POM121: variants seen among roughly 807,000 people sequenced by gnomAD.
POM121 encodes POM121 transmembrane nucleoporin, also known as nuclear envelope pore membrane protein POM 121.
POM121 carries 32 observed loss-of-function variants against 81.3 expected under a neutral mutation model. The ratio of observed to expected loss-of-function variants is 0.39; its 90% CI spans 0.30 to 0.53. POM121 has a LOEUF of 0.53. Among genes scored for constraint, POM121 ranks in the 20% least tolerant of loss-of-function variants. The probability of loss-of-function intolerance (pLI) is 0.66; values close to 1 mark genes in which losing one functional copy is unlikely to be tolerated. For synonymous variants in POM121, 514 were observed against 694.2 expected (o/e 0.74, Z 4.08); for missense variants, 1,138 against 1,614.6 (o/e 0.70, Z 5.06).
upstream of POM121, among the ~76,000 whole-genome samples, chr7:72,922,524 C>G (rs1163329325): frequency 6.6e-6 from 1 of 151,570 alleles, no homozygotes; most frequent in Non-Finnish European, 1.5e-5. Context: ...GTAGTTGGTA[C>G]TACAGGCACG....
intron 3 of POM121, among the ~76,000 whole-genome samples, chr7:72,892,674 T>G (rs1554491074): frequency 6.9e-6 from 1 of 145,762 alleles, no homozygotes; most frequent in East Asian, 2.3e-4. Flanking sequence ...CCTTCCTTCC[T>G]TCCATTTTGA....
At chr7:72,938,807 C>G (rs1796776252) in intron 6 of POM121, 126 bp downstream of exon 6, 1 of 1,150,994 alleles carries the variant, frequency 8.7e-7, no homozygotes, top group Non-Finnish European at 1.3e-6. Flanking sequence ...AAACTTAAGT[C>G]CCTGAGAGGT....
intron 3 of POM121, among the ~76,000 whole-genome samples, chr7:72,905,628 A>C (rs782235997): frequency 6.6e-6 from 1 of 152,226 alleles, no homozygotes; most frequent in Non-Finnish European, 1.5e-5. Context: ...TGAACCCAGG[A>C]GGCGGAGGTT....
intron 4 of POM121, among the ~76,000 whole-genome samples, chr7:72,917,378 T>G (rs1475505148): frequency 1.3e-5 from 2 of 152,208 alleles, no homozygotes; most frequent in Non-Finnish European, 2.9e-5. Context: ...AGGTGAAAGC[T>G]TAGGTCTTTC....
chr7:72,948,496 G>A (rs1797856669), downstream of POM121: 1 of 1,613,352 alleles, frequency 6.2e-7, no homozygotes, highest in Non-Finnish European at 8.5e-7. Flanking sequence ...TATGTGCAAG[G>A]CGGTGTGCAA....
intron 3 of POM121, among the ~76,000 whole-genome samples, chr7:72,906,241 G>T (rs1586104648): frequency 6.6e-6 from 1 of 152,180 alleles, no homozygotes; most frequent in East Asian, 1.9e-4. Context: ...CCCTGGGGAA[G>T]CCACTGTTGC....
At chr7:72,917,372 G>A (rs1415360724) in intron 4 of POM121, among the ~76,000 whole-genome samples, 1 of 152,204 alleles carries the variant, frequency 6.6e-6, no homozygotes, top group Admixed American at 6.5e-5. Flanking sequence ...AGGCCAAGGT[G>A]AAAGCTTAGG....
intron 2 of POM121, 57 bp from the exon 3 acceptor site, chr7:72,926,745 G>T: frequency 6.3e-7 from 1 of 1,593,414 alleles, no homozygotes; most frequent in Non-Finnish European, 8.6e-7. Context: ...TGAAGTCTGT[G>T]CTATATGGCA....
rs561195063 is a variant in POM121, at chr7:72,948,127, T to A, written c.*1893T>A. 100 of 1,398,498 alleles carry A rather than the reference T, an allele frequency of 7.2e-5. 2 individuals are homozygous for A. In the African/African-American group the frequency reaches 1.4e-3, roughly 19 times the overall value. 86.6% of individuals were successfully genotyped at this position (1,398,498 alleles called of 1,614,324 possible). On this transcript the variant is annotated 3_prime_UTR_variant, in exon 13 of 13. Coordinates refer to ENST00000434423, the MANE Select transcript of POM121 (RefSeq NM_001387691.1). ...GGACAGCCGGTCCGGGAACCCTGAGTGAGAATGAGTGTGGATGTGTACAGT... is the reference window on the plus strand; with the variant it reads ...GGACAGCCGGTCCGGGAACCCTGAGAGAGAATGAGTGTGGATGTGTACAGT...
rs540524268 is a variant in POM121 at position 72,925,103 on chromosome 7, T to A, written c.-19T>A. The A allele has an allele frequency of 7.2e-7, 1 of 1,397,526 alleles. No homozygotes were observed. Among genetic ancestry groups the A allele is most frequent in the East Asian group, 3.0e-5 (1 of 33,836 alleles). The allele number at this position is 1,397,526 out of a possible 1,614,324, so 86.6% of individuals were successfully genotyped here. On this transcript the variant is annotated 5_prime_UTR_variant, in exon 1 of 13. Transcript: ENST00000434423. ...TGCACGCTGGGATATTTAAGTCTCC[T>A]CCGCGGCGCGGAGCCGCGATGTCTC...
At position 72,943,054 on chromosome 7, in the gene POM121, T is replaced by C. The variant is rs71554688; in HGVS notation, c.3061T>C (p.Tyr1021His). The C allele has an allele frequency of 6.6e-3, 10,596 of 1,603,490 alleles. 304 individuals are homozygous for C. The highest frequency in any genetic ancestry group is 0.055 in the Admixed American group (3,132 of 57,292). ...PPSMIKVVPA[Y>H]VPTPIHPIFG... is the part of the protein sequence containing the mutation. ...GTCCATGATCAAGGTCGTGCCTGCGTACGTGCCTACGCCCATCCATCCTAT... is the reference window on the plus strand; with the variant it reads ...GTCCATGATCAAGGTCGTGCCTGCGCACGTGCCTACGCCCATCCATCCTAT... The change falls in exon 11 of 13, where the codon TAC becomes CAC. Residue 1021 changes from tyrosine (Y) to histidine (H), a missense_variant. Tyr to His is a moderately conservative substitution (Grantham distance 83). Coordinates refer to ENST00000434423, the MANE Select transcript of POM121 (RefSeq NM_001387691.1).
In POM121 at chr7:72,926,119, G is replaced by A. The variant is rs1795419695; in HGVS notation, c.645-143G>A. ...GCCTTAGATGGAATAAGGGAAAGTT[G>A]CCATAAAAACACCGTGTTCTGTGTT... is the stretch of plus-strand genomic sequence containing the variant. On this transcript the variant is annotated intron_variant, in intron 1 of 12. Coordinates refer to ENST00000434423, the MANE Select transcript of POM121 (RefSeq NM_001387691.1). 5 of 883,576 alleles carry A rather than the reference G, an allele frequency of 5.7e-6. No individual in the cohort carries two copies. In the East Asian group the frequency reaches 1.3e-4, roughly 23 times the overall value. 54.7% of individuals were successfully genotyped at this position (883,576 alleles called of 1,614,324 possible).
At chr7:72,883,255 C>T (rs539260591) in intron 1 of POM121, among the ~76,000 whole-genome samples, 7 of 152,264 alleles carry the variant, frequency 4.6e-5, no homozygotes, top group Middle Eastern at 3.4e-3. Context: ...TCATGCATGT[C>T]GAACTCCTGA....
chr7:72,904,548 G>A (rs1204078933), intron 3 of POM121, among the ~76,000 whole-genome samples: 5 of 152,166 alleles, frequency 3.3e-5, no homozygotes, highest in Non-Finnish European at 5.9e-5. Flanking sequence ...CTGCTCTGTT[G>A]CCTTCAATAC....
In POM121 at chr7:72,946,702, T is replaced by G. The variant is rs1797721559; in HGVS notation, c.*468T>G. The G allele has an allele frequency of 1.0e-6, 1 of 971,510 alleles. No individual in the cohort carries two copies. The highest frequency in any genetic ancestry group is 1.2e-4 in the East Asian group (1 of 8,526). 60.2% of individuals were successfully genotyped at this position (971,510 alleles called of 1,614,324 possible). A position where few individuals can be genotyped will look rare whatever the true frequency, so the allele number is the denominator to read the frequency against. Reference sequence around the variant, plus strand: ...TGCTTGGCTTAGCTGTGAGAAGTGGTTCTCTTCCTCTGGTCCCTTCTGGGG... The same window carrying G: ...TGCTTGGCTTAGCTGTGAGAAGTGGGTCTCTTCCTCTGGTCCCTTCTGGGG... On this transcript the variant is annotated 3_prime_UTR_variant, in exon 13 of 13. Coordinates refer to ENST00000434423, the MANE Select transcript of POM121 (RefSeq NM_001387691.1).
chr7:72,923,553 G>A (rs1284245712), upstream of POM121, among the ~76,000 whole-genome samples: 4 of 149,066 alleles, frequency 2.7e-5, no homozygotes, highest in Non-Finnish European at 5.9e-5. Flanking sequence ...CTCCCGAGTA[G>A]CTGGGACTAC....
intron 1 of POM121, among the ~76,000 whole-genome samples, chr7:72,881,301 C>T (rs1790136862): frequency 2.0e-5 from 3 of 149,990 alleles, no homozygotes; most frequent in Admixed American, 2.0e-4. Context: ...CACTTGAGGC[C>T]AGAATTTGAG....
At chr7:72,941,050 T>C in intron 10 of POM121, 57 bp downstream of exon 10, 2 of 1,611,004 alleles carry the variant, frequency 1.2e-6, no homozygotes, top group South Asian at 1.1e-5. Flanking sequence ...CGGCTTGAGT[T>C]GGAATAAGGG....
intron 1 of POM121, among the ~76,000 whole-genome samples, chr7:72,880,243 A>C (rs1409783281): frequency 2.6e-5 from 4 of 151,930 alleles, no homozygotes; most frequent in African/African-American, 9.7e-5. Context: ...ACCCCCTTAT[A>C]TCTGCCCTGG....
Sources: gnomAD v4.1 joint callset for allele counts (sites outside exome capture counted in the v4.1 genomes callset) on GRCh38, gnomAD v4.1.1 for gene constraint, MANE v1.5 for transcripts, NCBI Gene and HGNC (gene_info 2026-07-23, HGNC 2026-07-21) for gene names.